SUSD1: variants seen among roughly 807,000 people sequenced by gnomAD.
The protein encoded by SUSD1 is sushi domain-containing protein 1.
SUSD1 carries 65 observed loss-of-function variants against 86.9 expected under a neutral mutation model. The observed-to-expected ratio is 0.75, with a 90% CI of 0.61 to 0.92. SUSD1 has a LOEUF of 0.92. Ranked by LOEUF, SUSD1 falls within the 40% of genes least tolerant of loss-of-function variation. The pLI is 0.00. For synonymous variants in SUSD1, 346 were observed against 350.0 expected (o/e 0.99, Z 0.13); for missense variants, 850 against 929.7 (o/e 0.91, Z 1.11).
At chr9:112,058,733 T>C (rs545755509) in intron 13 of SUSD1, 47 bp from the exon 14 acceptor site, 2 of 1,575,052 alleles carry the variant, frequency 1.3e-6, no homozygotes, top group Admixed American at 1.8e-5. Flanking sequence ...GCATGGGGAG[T>C]TCATTCATTC....
chr9:112,160,556 T>C (rs997566250), intron 1 of SUSD1, among the ~76,000 whole-genome samples: 47 of 150,308 alleles, frequency 3.1e-4, no homozygotes, highest in African/African-American at 1.2e-3. Context: ...AAAATAAAAA[T>C]AAAGAAGATG....
intron 4 of SUSD1, 34 bp from the exon 5 acceptor site, chr9:112,142,533 G>A (rs766520011): frequency 1.8e-5 from 29 of 1,591,750 alleles, no homozygotes; most frequent in Admixed American, 8.9e-5. Context: ...TCATTACCTC[G>A]TGAATGTAAA....
intron 6 of SUSD1, among the ~76,000 whole-genome samples, chr9:112,117,923 T>TG (rs1217271107): frequency 6.6e-6 from 1 of 152,096 alleles, no homozygotes; most frequent in African/African-American, 2.4e-5. Context: ...TACAGTGAAG[T>TG]GGGGGTGTTC....
intron 12 of SUSD1, among the ~76,000 whole-genome samples, chr9:112,069,031 T>G (rs534911905): frequency 3.0e-4 from 45 of 152,136 alleles, no homozygotes; most frequent in South Asian, 1.7e-3. Context: ...GTTAGAAACA[T>G]AGGTCTGGAG....
chr9:112,082,119 A>C (rs913441359), intron 10 of SUSD1, among the ~76,000 whole-genome samples: 1 of 151,298 alleles, frequency 6.6e-6, no homozygotes, highest in Non-Finnish European at 1.5e-5. Flanking sequence ...AAAAGGCAAG[A>C]AAAAAAAATG....
chr9:112,152,151 C>G (rs987423748), intron 2 of SUSD1, among the ~76,000 whole-genome samples: 1 of 149,004 alleles, frequency 6.7e-6, no homozygotes, highest in South Asian at 2.1e-4. Context: ...TGCAGTGAGC[C>G]GAGATCGCGC....
In SUSD1 at chr9:112,158,044, G is replaced by A. The variant is rs143808164; in HGVS notation, c.104-431C>T. Among the ~76,000 whole-genome samples the A allele has an allele frequency of 5.9e-5, 9 of 151,428 alleles. No individual in the cohort carries two copies. The East Asian group carries it at 1.8e-3, about 29-fold the overall frequency. On this transcript the variant is annotated intron_variant, in intron 1 of 16. Transcript: ENST00000374270. ...TTGCCATGTTGCCCAGGCTGGTCTCGAAATCCTGAGCTCTAGCAATCCACC... is the reference window on the plus strand; with the variant it reads ...TTGCCATGTTGCCCAGGCTGGTCTCAAAATCCTGAGCTCTAGCAATCCACC...
At chr9:112,087,056 T>C (rs1428388929) in intron 10 of SUSD1, among the ~76,000 whole-genome samples, 1 of 147,756 alleles carries the variant, frequency 6.8e-6, no homozygotes, top group Non-Finnish European at 1.5e-5. Context: ...AGCTCTACAT[T>C]TTTTTAAACC....
In SUSD1 at chr9:112,063,822, T is replaced by C. The variant is rs183353489; in HGVS notation, c.1754-789A>G. Among the ~76,000 whole-genome samples, 53 of 152,254 alleles carry C rather than the reference T, an allele frequency of 3.5e-4. No homozygotes were observed. The East Asian group carries it at 9.8e-3, about 28-fold the overall frequency. ...CTAGAGATGTTCTACATATGCCCCA[T>C]CTTACTTAATCTTCTCAACAGGGCT... On this transcript the variant is annotated intron_variant, in intron 12 of 16. Coordinates refer to ENST00000374270, the MANE Select transcript of SUSD1 (RefSeq NM_022486.5).
chr9:112,138,378 G>C (rs1355039181), intron 5 of SUSD1, among the ~76,000 whole-genome samples: 1 of 144,950 alleles, frequency 6.9e-6, no homozygotes, highest in East Asian at 2.0e-4. Flanking sequence ...CTGTATATAG[G>C]AACTTTTTCA....
At chr9:112,146,893 C>T (rs889286786) in intron 3 of SUSD1, among the ~76,000 whole-genome samples, 2 of 152,188 alleles carry the variant, frequency 1.3e-5, no homozygotes, top group Non-Finnish European at 2.9e-5. Flanking sequence ...GCCTTGGCCT[C>T]CCAAAGTCCT....
intron 1 of SUSD1, among the ~76,000 whole-genome samples, chr9:112,168,491 G>C (rs1038007924): frequency 6.6e-6 from 1 of 152,158 alleles, no homozygotes; most frequent in Non-Finnish European, 1.5e-5. Context: ...CTGCAACCAA[G>C]TAAAGCTGCA....
intron 12 of SUSD1, among the ~76,000 whole-genome samples, chr9:112,064,050 G>A (rs1421839137): frequency 7.0e-6 from 1 of 143,312 alleles, no homozygotes; most frequent in Non-Finnish European, 1.5e-5. Flanking sequence ...TTTTTTTGGG[G>A]GGGGGGCGGG....
intron 15 of SUSD1, among the ~76,000 whole-genome samples, chr9:112,042,999 C>T (rs919180413): frequency 8.5e-5 from 13 of 152,184 alleles, no homozygotes; most frequent in Non-Finnish European, 7.3e-5. Context: ...CTGACTCCAT[C>T]TTGCTTCTAA....
intron 3 of SUSD1, among the ~76,000 whole-genome samples, chr9:112,144,005 C>T (rs374259903): frequency 2.4e-4 from 37 of 152,052 alleles, no homozygotes; most frequent in Non-Finnish European, 4.1e-4. Flanking sequence ...TTTGGGAAGC[C>T]GAAGCATGTG....
At chr9:112,043,470 C>T (rs187605081) in intron 15 of SUSD1, among the ~76,000 whole-genome samples, 2 of 152,250 alleles carry the variant, frequency 1.3e-5, no homozygotes, top group Admixed American at 1.3e-4. Flanking sequence ...CCCCCCCATC[C>T]CCTACCCCCT....
chr9:112,118,195 G>C (rs1057109804), intron 6 of SUSD1, among the ~76,000 whole-genome samples: 1 of 152,172 alleles, frequency 6.6e-6, no homozygotes, highest in African/African-American at 2.4e-5. Context: ...GATTTCAAAA[G>C]GAATGTAACT....
intron 6 of SUSD1, among the ~76,000 whole-genome samples, chr9:112,117,175 C>T (rs1336267117): frequency 6.6e-6 from 1 of 152,170 alleles, no homozygotes; most frequent in East Asian, 1.9e-4. Context: ...AGAAAATTAT[C>T]AGCCTTCTTT....
At chr9:112,080,681 C>G (rs1462638773) in intron 10 of SUSD1, among the ~76,000 whole-genome samples, 1 of 130,898 alleles carries the variant, frequency 7.6e-6, no homozygotes, top group African/African-American at 3.0e-5. Flanking sequence ...GAGTGAGACT[C>G]TGTCTCAAGA....
Sources: allele counts gnomAD v4.1 joint callset (sites outside exome capture counted in the v4.1 genomes callset), GRCh38; gene constraint gnomAD v4.1.1; transcripts MANE v1.5; gene names NCBI Gene and HGNC (gene_info 2026-07-23, HGNC 2026-07-21).